CENPH: variants seen among roughly 807,000 people sequenced by gnomAD.
CENPH encodes CENP-H.
In CENPH, 40 loss-of-function variants were observed where a neutral mutation model predicts 42.9. That is an observed-to-expected ratio of 0.93 (90% CI 0.72 to 1.21). The LOEUF (loss-of-function observed/expected upper bound fraction) is 1.21. Among genes scored for constraint, CENPH ranks in the 50% most tolerant of loss-of-function variants. The pLI, the probability that CENPH is intolerant of heterozygous loss-of-function variation, is 0.00. For synonymous variants in CENPH, 88 were observed against 96.5 expected (o/e 0.91, Z 0.52); for missense variants, 302 against 292.9 (o/e 1.03, Z -0.23).
chr5:69,195,967 G>A (rs1243341562), intron 4 of CENPH, among the ~76,000 whole-genome samples, 176 bp downstream of exon 4: 1 of 152,064 alleles, frequency 6.6e-6, no homozygotes, highest in African/African-American at 2.4e-5. Flanking sequence ...ATTTGACAAG[G>A]TCTCACTCTT....
In CENPH at chr5:69,195,236, A is replaced by G. The variant is rs1747945854; in HGVS notation, c.240-481A>G. Among the ~76,000 whole-genome samples, 3 of 151,922 alleles carry G rather than the reference A, an allele frequency of 2.0e-5. 1 individual carries two copies. In the South Asian group the frequency reaches 6.2e-4, roughly 31 times the overall value. Reference sequence around the variant, plus strand: ...GAGCGAAACTCCGCCTCAAAAATATATATATATTTTGTAGAGATGGGGCCT... The same window carrying G: ...GAGCGAAACTCCGCCTCAAAAATATGTATATATTTTGTAGAGATGGGGCCT... On this transcript the variant is annotated intron_variant, in intron 3 of 8. Transcript: ENST00000283006.
intron 7 of CENPH, among the ~76,000 whole-genome samples, chr5:69,205,701 TC>T (rs1361499496): frequency 5.4e-4 from 66 of 122,080 alleles, no homozygotes; most frequent in African/African-American, 2.0e-3. Context: ...TCTGTAGATA[TC>T]TTTTTTTTTT....
chr5:69,205,225 TTTTG>T (rs942741766), intron 7 of CENPH, among the ~76,000 whole-genome samples: 1 of 149,662 alleles, frequency 6.7e-6, no homozygotes, highest in African/African-American at 2.5e-5. Flanking sequence ...GCCAACCTTT[TTTTG>T]TTTGTTTGTT....
chr5:69,190,686 C>G (rs2112078696), intron 1 of CENPH, among the ~76,000 whole-genome samples: 1 of 152,292 alleles, frequency 6.6e-6, no homozygotes, highest in Admixed American at 6.5e-5. Context: ...TCAAGACCAG[C>G]CTGGCCAACC....
At chr5:69,207,867 AAT>A (rs1301434425) in intron 7 of CENPH, 2 of 159,188 alleles carry the variant, frequency 1.3e-5, no homozygotes, top group Non-Finnish European at 2.8e-5. Context: ...AAGAGGGAAA[AAT>A]ATATGTATTT....
chr5:69,194,250 G>A (rs927804855), intron 2 of CENPH, among the ~76,000 whole-genome samples: 3 of 151,866 alleles, frequency 2.0e-5, no homozygotes, highest in Non-Finnish European at 1.5e-5. Flanking sequence ...CCCCAACCTC[G>A]TGGGCTCAAG....
intron 5 of CENPH, among the ~76,000 whole-genome samples, chr5:69,200,486 C>T (rs1208817809): frequency 6.6e-6 from 1 of 152,122 alleles, no homozygotes; most frequent in Admixed American, 6.6e-5. Context: ...ATTGTCTTCT[C>T]AAATAAACTT....
intron 7 of CENPH, among the ~76,000 whole-genome samples, chr5:69,204,597 C>CTTTTTTGTTTTTTTTTTTT (rs1748116924): frequency 1.4e-5 from 1 of 69,572 alleles, no homozygotes; most frequent in African/African-American, 6.1e-5. Flanking sequence ...GCTTGTATTT[C>CTTTTTTGTTTTTTTTTTTT]TTTTTTTTTT....
chr5:69,192,373 A>G (rs1747891439), intron 2 of CENPH, among the ~76,000 whole-genome samples: 1 of 152,164 alleles, frequency 6.6e-6, no homozygotes, highest in Non-Finnish European at 1.5e-5. Context: ...TGTTCTCTAT[A>G]TAGCTAGTAC....
chr5:69,195,170 G>A (rs1305485845), intron 3 of CENPH, among the ~76,000 whole-genome samples: 1 of 152,034 alleles, frequency 6.6e-6, no homozygotes, highest in Admixed American at 6.6e-5. Flanking sequence ...CGGAGGTTGC[G>A]GTGAGCCAAG....
chr5:69,196,833 T>G (rs1269941482), intron 4 of CENPH, among the ~76,000 whole-genome samples: 1 of 152,216 alleles, frequency 6.6e-6, no homozygotes, highest in Non-Finnish European at 1.5e-5. Context: ...CCCCTCATTC[T>G]GGCAGTGTAT....
At chr5:69,192,383 C>T (rs1747891603) in intron 2 of CENPH, among the ~76,000 whole-genome samples, 1 of 152,030 alleles carries the variant, frequency 6.6e-6, no homozygotes. Context: ...ATAGCTAGTA[C>T]CATTTTTAAG....
At chr5:69,203,096 C>A in intron 7 of CENPH, 126 bp downstream of exon 7, 1 of 677,234 alleles carries the variant, frequency 1.5e-6, no homozygotes, top group Non-Finnish European at 2.6e-6. Flanking sequence ...AAATTTTTGA[C>A]ATGGCAACTT....
chr5:69,198,056 G>A (rs1032921062), intron 5 of CENPH, among the ~76,000 whole-genome samples: 1 of 151,130 alleles, frequency 6.6e-6, no homozygotes, highest in African/African-American at 2.4e-5. Context: ...GAGCAGCTGG[G>A]ACTACAGGCG....
chr5:69,200,636 T>G (rs1748041790), intron 5 of CENPH, among the ~76,000 whole-genome samples: 1 of 151,390 alleles, frequency 6.6e-6, no homozygotes, highest in Non-Finnish European at 1.5e-5. Context: ...ACAGTGTTTT[T>G]CACACCTGGC....
chr5:69,200,615 T>C (rs72767813), intron 5 of CENPH, among the ~76,000 whole-genome samples: 17,689 of 152,056 alleles, frequency 0.12, 1,122 homozygotes, highest in Admixed American at 0.16. Flanking sequence ...CCTTCTCAGT[T>C]AGTTGCTTCT....
intron 8 of CENPH, 47 bp downstream of exon 8, chr5:69,208,406 C>T: frequency 7.5e-7 from 1 of 1,332,718 alleles, no homozygotes; most frequent in South Asian, 1.3e-5. Flanking sequence ...GTTGCCCAGG[C>T]TGGAGTGAAG....
At chr5:69,203,445 C>T (rs1748090818) in intron 7 of CENPH, among the ~76,000 whole-genome samples, 1 of 152,204 alleles carries the variant, frequency 6.6e-6, no homozygotes, top group Admixed American at 6.5e-5. Flanking sequence ...CGGCTCACTG[C>T]ATCCTCCGCC....
chr5:69,199,210 A>T (rs1748016230), intron 5 of CENPH, among the ~76,000 whole-genome samples: 1 of 151,984 alleles, frequency 6.6e-6, no homozygotes, highest in African/African-American at 2.4e-5. Context: ...ACAGGGCCTC[A>T]CTCTGTTGCT....
Sources: allele counts gnomAD v4.1 joint callset (sites outside exome capture counted in the v4.1 genomes callset), GRCh38; gene constraint gnomAD v4.1.1; transcripts MANE v1.5; gene names NCBI Gene and HGNC (gene_info 2026-07-23, HGNC 2026-07-21).